ZNF609: variants seen among roughly 807,000 people sequenced by gnomAD.
ZNF609 encodes zinc finger protein 609.
A neutral mutation model predicts 109.5 loss-of-function variants in ZNF609; 11 were observed. That is an observed-to-expected ratio of 0.10 (90% CI 0.06 to 0.17). The LOEUF is 0.17. ZNF609 is among the 10% of genes least tolerant of loss of function. ZNF609 has a pLI of 1.00. For synonymous variants in ZNF609, 646 were observed against 662.0 expected, an observed-to-expected ratio of 0.98 and a Z score of 0.37; for missense variants, 1,559 against 1,772.4, an observed-to-expected ratio of 0.88 and a Z score of 2.16.
At chr15:64,507,831 T>C (rs993694846) in intron 2 of ZNF609, among the ~76,000 whole-genome samples, 7 of 152,092 alleles carry the variant, frequency 4.6e-5, no homozygotes, top group African/African-American at 1.2e-4. Context: ...AGTTGTGCCA[T>C]TGGGGTGGGC....
intron 2 of ZNF609, among the ~76,000 whole-genome samples, chr15:64,588,555 C>T (rs777295374): frequency 1.1e-4 from 17 of 151,246 alleles, no homozygotes; most frequent in Non-Finnish European, 1.8e-4. Context: ...TTGTTGCCCA[C>T]GCTGGTCTCA....
At chr15:64,587,332 A>G (rs547523557) in intron 2 of ZNF609, among the ~76,000 whole-genome samples, 41 of 152,284 alleles carry the variant, frequency 2.7e-4, no homozygotes, top group African/African-American at 9.6e-4. Flanking sequence ...TGTTTAGATG[A>G]AACTGTATCT....
At chr15:64,513,314 G>A (rs1893760455) in intron 2 of ZNF609, among the ~76,000 whole-genome samples, 1 of 152,180 alleles carries the variant, frequency 6.6e-6, no homozygotes. Context: ...CTGGTAGAGT[G>A]TCTGTTTTAG....
At chr15:64,670,604 C>T (rs1168429697) in intron 4 of ZNF609, among the ~76,000 whole-genome samples, 171 bp downstream of exon 4, 4 of 152,222 alleles carry the variant, frequency 2.6e-5, no homozygotes, top group Non-Finnish European at 1.5e-5. Context: ...AATGGCCAGG[C>T]GCGGTGGCTC....
intron 3 of ZNF609, among the ~76,000 whole-genome samples, chr15:64,668,799 C>T (rs892822993): frequency 4.6e-5 from 7 of 151,506 alleles, no homozygotes; most frequent in African/African-American, 1.7e-4. Flanking sequence ...ACTAAAAATA[C>T]AAAATTAGCT....
At chr15:64,497,971 CTT>C (rs1447610847) in intron 1 of ZNF609, among the ~76,000 whole-genome samples, 60 of 151,876 alleles carry the variant, frequency 4.0e-4, no homozygotes, top group African/African-American at 1.5e-3. Context: ...GAACAGAACT[CTT>C]TGGCTTTATC....
At chr15:64,558,098 A>G (rs1894619894) in intron 2 of ZNF609, among the ~76,000 whole-genome samples, 2 of 152,310 alleles carry the variant, frequency 1.3e-5, no homozygotes, top group African/African-American at 4.8e-5. Context: ...TTCAAGGTGT[A>G]AGTAGCCCCA....
intron 2 of ZNF609, among the ~76,000 whole-genome samples, chr15:64,580,424 ATTCT>A (rs1420501262): frequency 6.6e-6 from 1 of 152,146 alleles, no homozygotes; most frequent in Non-Finnish European, 1.5e-5. Flanking sequence ...CTTTACTAAC[ATTCT>A]TTCTTTGTGT....
chr15:64,678,107 T>C lies in ZNF609; in HGVS notation c.3403-9T>C, dbSNP rs1420941738. On this transcript the variant is annotated splice_polypyrimidine_tract_variant and intron_variant, in intron 5 of 9. Coordinates refer to ENST00000326648, the MANE Select transcript of ZNF609 (RefSeq NM_015042.2). ...ACAACACCCAGTCGTTGTTCTGTGA[T>C]TGTTGTAGGAGGCAGAGCCCCGGAT... The C allele has an allele frequency of 2.5e-6, 4 of 1,608,530 alleles. No homozygotes were observed.
intron 2 of ZNF609, among the ~76,000 whole-genome samples, chr15:64,613,990 C>G (rs1895758326): frequency 6.6e-6 from 1 of 151,238 alleles, no homozygotes; most frequent in Non-Finnish European, 1.5e-5. Flanking sequence ...ATGGTGCAAT[C>G]TCAGCTCACT....
intron 2 of ZNF609, among the ~76,000 whole-genome samples, chr15:64,612,918 G>C (rs1175784751): frequency 6.6e-6 from 1 of 152,158 alleles, no homozygotes; most frequent in Admixed American, 6.5e-5. Context: ...AGGAGGCTGA[G>C]GCAGGAGAAT....
intron 2 of ZNF609, among the ~76,000 whole-genome samples, chr15:64,551,223 A>G (rs193272148): frequency 6.6e-6 from 1 of 152,212 alleles, no homozygotes; most frequent in African/African-American, 2.4e-5. Context: ...CAGCTGGTTC[A>G]TTTTGAATTA....
intron 2 of ZNF609, among the ~76,000 whole-genome samples, chr15:64,548,737 G>C (rs1034381817): frequency 6.6e-6 from 1 of 152,030 alleles, no homozygotes; most frequent in Non-Finnish European, 1.5e-5. Flanking sequence ...ACTTTAGCCT[G>C]GGCAACAGAA....
intron 2 of ZNF609, among the ~76,000 whole-genome samples, chr15:64,609,360 T>G (rs937260581): frequency 1.3e-5 from 2 of 151,756 alleles, no homozygotes; most frequent in African/African-American, 4.8e-5. Context: ...TTGTTTGTTT[T>G]TTAGTAGAGA....
intron 1 of ZNF609, among the ~76,000 whole-genome samples, chr15:64,481,216 A>G (rs965426871): frequency 5.9e-5 from 9 of 152,194 alleles, no homozygotes; most frequent in African/African-American, 2.2e-4. Context: ...TATTTGAAAT[A>G]CATGTTAAAA....
intron 2 of ZNF609, among the ~76,000 whole-genome samples, chr15:64,571,975 C>T (rs893087731): frequency 6.6e-6 from 1 of 152,058 alleles, no homozygotes; most frequent in African/African-American, 2.4e-5. Context: ...GTTAGGACTG[C>T]CTAGGGATAT....
At chr15:64,523,797 T>A (rs1353305928) in intron 2 of ZNF609, among the ~76,000 whole-genome samples, 2 of 152,036 alleles carry the variant, frequency 1.3e-5, no homozygotes, top group African/African-American at 2.4e-5. Flanking sequence ...TTCTATGTTA[T>A]AAACTTAAAT....
At position 64,678,295 on chromosome 15, in the gene ZNF609, C is replaced by T; in HGVS notation, c.3582C>T (p.Pro1194=). 2 of 1,614,108 alleles carry T rather than the reference C, an allele frequency of 1.2e-6. No individual in the cohort carries two copies. Among genetic ancestry groups the T allele is most frequent in the South Asian group, 1.1e-5 (1 of 91,084 alleles). The change falls in exon 6 of 10, where the codon CCC becomes CCT. Residue 1194 remains proline (P), a synonymous_variant. Transcript: ENST00000326648. ...GCACAAGTAGTGACTGCAAGCTGCC[C>T]ACGTCAGAGGAGTCTCGCCTTGGGA... ...KESTSSDCKL[P]TSEESRLGSK...
intron 3 of ZNF609, among the ~76,000 whole-genome samples, chr15:64,662,696 CT>C (rs1002465686): frequency 4.0e-5 from 6 of 151,476 alleles, no homozygotes; most frequent in Non-Finnish European, 8.8e-5. Context: ...GACAGGGTCT[CT>C]TTCTGTTGCC....
Sources: gnomAD v4.1 joint callset for allele counts (sites outside exome capture counted in the v4.1 genomes callset) on GRCh38, gnomAD v4.1.1 for gene constraint, MANE v1.5 for transcripts, NCBI Gene and HGNC (gene_info 2026-07-23, HGNC 2026-07-21) for gene names.